Variants in ROS1 observed in about 807,000 individuals in gnomAD.
ROS1 encodes the protein proto-oncogene tyrosine-protein kinase ROS.
In ROS1, 263 loss-of-function variants were observed where a neutral mutation model predicts 273.5. The observed-to-expected ratio is 0.96, with a 90% CI of 0.87 to 1.06. The LOEUF (loss-of-function observed/expected upper bound fraction) is 1.06, where lower values mean the gene tolerates loss of function less well. Ranked by LOEUF, ROS1 falls within the 50% of genes least tolerant of loss-of-function variation. ROS1 has a pLI of 0.00. For missense variants in ROS1, 2,833 were observed against 2,751.1 expected (o/e 1.03, Z -0.67); for synonymous variants, 1,008 against 954.1 (o/e 1.06, Z -1.04).
rs559987971 is a variant in ROS1 at position 117,396,148 on chromosome 6, C to T, written c.883+40G>A. 6.5e-6 allele frequency: 10 copies of T among 1,543,898 alleles called. No homozygotes were observed. In the East Asian group the frequency reaches 6.7e-5, roughly 10 times the overall value. On this transcript the variant is annotated intron_variant, in intron 9 of 43. Transcript: ENST00000368507. ...TGGCTCTGAAACCACCCTTGCCACC[C>T]TCATTCCTGTGTAGCTAAAGGAAGA... is the stretch of plus-strand genomic sequence containing the variant.
intron 12 of ROS1, among the ~76,000 whole-genome samples, chr6:117,391,218 G>A (rs1029492916): frequency 4.6e-5 from 7 of 152,214 alleles, no homozygotes; most frequent in African/African-American, 9.6e-5. Context: ...CCCTGAGGAC[G>A]GATTGTAGCA....
intron 43 of ROS1, among the ~76,000 whole-genome samples, chr6:117,296,156 G>T (rs1244545115): frequency 6.6e-6 from 1 of 152,164 alleles, no homozygotes; most frequent in Non-Finnish European, 1.5e-5. Flanking sequence ...CCAGCACTTT[G>T]GGAGGCAGAG....
At chr6:117,350,531 A>C (rs1026520605) in intron 27 of ROS1, among the ~76,000 whole-genome samples, 3 of 151,876 alleles carry the variant, frequency 2.0e-5, no homozygotes, top group Non-Finnish European at 2.9e-5. Flanking sequence ...ATCTGACATT[A>C]ATTTGGGGAA....
At chr6:117,421,576 T>C (rs550126011) in intron 1 of ROS1, among the ~76,000 whole-genome samples, 1 of 152,204 alleles carries the variant, frequency 6.6e-6, no homozygotes, top group African/African-American at 2.4e-5. Flanking sequence ...TCCATCCAAG[T>C]TGCTGCAAAG....
intron 18 of ROS1, among the ~76,000 whole-genome samples, chr6:117,377,171 C>T (rs971492023): frequency 2.6e-5 from 4 of 152,094 alleles, no homozygotes; most frequent in African/African-American, 7.2e-5. Flanking sequence ...AGTGCAATGG[C>T]GCGATCTCAG....
At position 117,394,723 on chromosome 6, in the gene ROS1, T is replaced by G. The variant is rs989723092; in HGVS notation, c.899A>C (p.Gln300Pro). 6.2e-5 allele frequency: 99 copies of G among 1,609,540 alleles called. No individual in the cohort carries two copies. The highest frequency in any genetic ancestry group is 8.2e-5 in the Non-Finnish European group (97 of 1,178,290). Residue 300 changes from glutamine (Q) to proline (P), a missense_variant, in exon 10 of 44, where the codon CAG becomes CCG. Coordinates refer to ENST00000368507, the MANE Select transcript of ROS1 (RefSeq NM_001378902.1). ...TSSSAVQQEE[Q>P]WLFLSRKTSL... ...AGTTTTTCTGGATAAAAAGAGCCAC[T>G]GTTCCTCTTGTTGAACTGAAAAAAA...
At chr6:117,346,665 C>T (rs1206166155) in intron 27 of ROS1, among the ~76,000 whole-genome samples, 4 of 152,008 alleles carry the variant, frequency 2.6e-5, no homozygotes, top group African/African-American at 9.7e-5. Flanking sequence ...CTCCTTTTCT[C>T]CACACATGCA....
rs2128726532 is a variant in ROS1, at chr6:117,404,332, T to A, written c.413A>T (p.Tyr138Phe). The A allele has an allele frequency of 6.2e-7, 1 of 1,614,044 alleles. No individual in the cohort carries two copies. Among genetic ancestry groups the A allele is most frequent in the Non-Finnish European group, 8.5e-7 (1 of 1,179,884 alleles). The change falls in exon 6 of 44, where the codon TAC (tyrosine) becomes TTC (phenylalanine). Residue 138 changes from tyrosine to phenylalanine, a missense_variant. Physicochemically the swap from Tyr to Phe is conservative, Grantham distance 22 (BLOSUM62 3). Coordinates refer to ENST00000368507, the MANE Select transcript of ROS1 (RefSeq NM_001378902.1). ...TTGTGCATATTTCCACTGAATGATG[T>A]ATTTTACTCCAGAGAAGTTTGCAGA... The part of the protein sequence containing the change: ...WKSANFSGVK[Y>F]IIQWKYAQLL...
At chr6:117,352,375 T>C (rs1778944777) in intron 27 of ROS1, among the ~76,000 whole-genome samples, 1 of 152,216 alleles carries the variant, frequency 6.6e-6, no homozygotes. Flanking sequence ...TTTCTAGGAA[T>C]CATTGCACTG....
Position 117,344,148 on chromosome 6 carries a change from C to T in ROS1, c.4418G>A (p.Gly1473Asp), listed in dbSNP as rs745459533. 8.1e-6 allele frequency: 13 copies of T among 1,613,780 alleles called. No homozygotes were observed. The East Asian group carries it at 2.2e-4, about 28-fold the overall frequency. Residue 1473 changes from glycine (G) to aspartate (D), a missense_variant, in exon 28 of 44, where the codon GGC becomes GAC. Physicochemically the swap from Gly to Asp is moderately conservative, Grantham distance 94. Coordinates refer to ENST00000368507, the MANE Select transcript of ROS1 (RefSeq NM_001378902.1). The stretch of plus-strand genomic sequence containing the variant: ...GTATGTTGGAGTAGGGCTGGTGATG[C>T]CATACCATGTGAGGTTTGTCTTGGC... ...PLAKTNLTWY[G>D]ITSPTPTYLV...
rs2128593185 is a variant in ROS1, at chr6:117,329,354, T to C, written c.5323A>G (p.Ile1775Val). Residue 1775 changes from isoleucine to valine, a missense_variant, in exon 33 of 44, where the codon ATT becomes GTT. By Grantham distance (29) the Ile-to-Val change is conservative (BLOSUM62 3). Coordinates refer to ENST00000368507, the MANE Select transcript of ROS1 (RefSeq NM_001378902.1). ...CTTATCTCAAGGATATAGTATGTAA[T>C]TCTACATCCATTATCTTCAGCTTTC... ...WEKAEDNGCR[I>V]TYYILEIRKS... 6.5e-7 allele frequency: 1 copy of C among 1,546,490 alleles called. No individual in the cohort carries two copies.
chr6:117,414,069 T>C (rs529554608), intron 4 of ROS1, among the ~76,000 whole-genome samples: 1 of 152,098 alleles, frequency 6.6e-6, no homozygotes, highest in South Asian at 2.1e-4. Flanking sequence ...AGAAAGAAAG[T>C]TGCAATTAAA....
At position 117,365,718 on chromosome 6, in the gene ROS1, C is replaced by A. The variant is rs147172890; in HGVS notation, c.2821G>T (p.Val941Phe). ...LPGNFSFTPKVIPDSVQESSF... is the reference protein window; with the variant it reads ...LPGNFSFTPKFIPDSVQESSF... ...GACTCTTGAACAGAATCTGGAATAACCTTAGGGGTAAAGGAAAAGTTCCCT... is the reference window on the plus strand; with the variant it reads ...GACTCTTGAACAGAATCTGGAATAAACTTAGGGGTAAAGGAAAAGTTCCCT... The change falls in exon 20 of 44, where the codon GTT becomes TTT. Residue 941 changes from valine (V) to phenylalanine (F), a missense_variant. Physicochemically the swap from Val to Phe is conservative, Grantham distance 50 (BLOSUM62 -1). Coordinates refer to ENST00000368507, the MANE Select transcript of ROS1 (RefSeq NM_001378902.1). 3.1e-4 allele frequency: 491 copies of A among 1,583,494 alleles called. 1 individual carries two copies. Among genetic ancestry groups the A allele is most frequent in the Non-Finnish European group, 3.3e-4 (382 of 1,170,100 alleles).
At chr6:117,353,276 A>G in intron 26 of ROS1, 110 bp from the exon 27 acceptor site, 1 of 736,322 alleles carries the variant, frequency 1.4e-6, no homozygotes, top group Non-Finnish European at 2.1e-6. Flanking sequence ...TTTTGAATCT[A>G]TTATTTCAAC....
At chr6:117,373,227 C>G (rs1191484439) in intron 18 of ROS1, among the ~76,000 whole-genome samples, 2 of 152,250 alleles carry the variant, frequency 1.3e-5, no homozygotes, top group Non-Finnish European at 2.9e-5. Context: ...TCTGGCTTCG[C>G]CTAGTGGATC....
intron 43 of ROS1, among the ~76,000 whole-genome samples, chr6:117,298,930 C>T (rs1774459686): frequency 6.6e-6 from 1 of 152,030 alleles, no homozygotes; most frequent in Non-Finnish European, 1.5e-5. Context: ...AATGACAAGG[C>T]CTTAATAGTA....
At chr6:117,386,413 G>A (rs1178042371) in intron 15 of ROS1, among the ~76,000 whole-genome samples, 1 of 152,238 alleles carries the variant, frequency 6.6e-6, no homozygotes, top group East Asian at 1.9e-4. Context: ...ACCCTAGAAT[G>A]AAGACTTTTC....
At chr6:117,352,962 A>G in intron 27 of ROS1, 28 bp downstream of exon 27, 1 of 1,603,254 alleles carries the variant, frequency 6.2e-7, no homozygotes, top group Non-Finnish European at 8.5e-7. Context: ...TTGGGAGAAC[A>G]AGCTGATTAC....
In ROS1 at chr6:117,329,874, C is replaced by T. The variant is rs368477961; in HGVS notation, c.5231-428G>A. Reference sequence around the variant, plus strand: ...GATCCCACTCTCGATCCCATGCCACCGAGGCCTAGCATCCCAACCCTAGAA... The same window carrying T: ...GATCCCACTCTCGATCCCATGCCACTGAGGCCTAGCATCCCAACCCTAGAA... On this transcript the variant is annotated intron_variant, in intron 32 of 43. Transcript: ENST00000368507. 1.8e-3 allele frequency among the ~76,000 whole-genome samples: 272 copies of T among 152,280 alleles called. 1 individual carries two copies. Among genetic ancestry groups the T allele is most frequent in the African/African-American group, 6.2e-3 (258 of 41,568 alleles).
Sources: allele counts gnomAD v4.1 joint callset (sites outside exome capture counted in the v4.1 genomes callset), GRCh38; gene constraint gnomAD v4.1.1; transcripts MANE v1.5; gene names NCBI Gene and HGNC (gene_info 2026-07-23, HGNC 2026-07-21).